Variants in KCND2 observed in about 807,000 individuals in gnomAD.
The protein encoded by KCND2 is potassium voltage-gated channel subfamily D member 2.
KCND2 carries 16 observed loss-of-function variants against 54.4 expected under a neutral mutation model. The ratio of observed to expected loss-of-function variants is 0.29; its 90% CI spans 0.20 to 0.45. The LOEUF (loss-of-function observed/expected upper bound fraction) is 0.45. Among genes scored for constraint, KCND2 ranks in the 20% least tolerant of loss-of-function variants. KCND2 has a pLI of 1.00. For synonymous variants in KCND2, 317 were observed against 310.7 expected, an observed-to-expected ratio of 1.02 and a Z score of -0.21; for missense variants, 486 against 824.2, an observed-to-expected ratio of 0.59 and a Z score of 5.02.
chr7:120,401,174 A>T (rs1196845486), intron 1 of KCND2, among the ~76,000 whole-genome samples: 1 of 152,148 alleles, frequency 6.6e-6, no homozygotes, highest in South Asian at 2.1e-4. Flanking sequence ...AGAGAAAAGC[A>T]GGGAGCAAAA....
At chr7:120,610,110 A>G (rs1253623090) in intron 1 of KCND2, among the ~76,000 whole-genome samples, 1 of 152,080 alleles carries the variant, frequency 6.6e-6, no homozygotes, top group African/African-American at 2.4e-5. Context: ...CAAAACCCCA[A>G]ATACTCAATG....
chr7:120,324,956 T>C lies in KCND2; in HGVS notation c.1115+49209T>C, dbSNP rs1437715971. Among the ~76,000 whole-genome samples the C allele has an allele frequency of 8.8e-5, 11 of 125,384 alleles. No individual in the cohort carries two copies. In the South Asian group the frequency reaches 3.8e-3, roughly 43 times the overall value. 82.3% of individuals were successfully genotyped at this position (125,384 alleles called of 152,430 possible). A position where few individuals can be genotyped will look rare whatever the true frequency, so the allele number is the denominator to read the frequency against. ...AGCATGGAATGTTCTTCCATTTGTT[T>C]GTATCCTCTTTTATTTCCTTGAGCA... On this transcript the variant is annotated intron_variant, in intron 1 of 5. Coordinates refer to ENST00000331113, the MANE Select transcript of KCND2 (RefSeq NM_012281.3).
intron 1 of KCND2, among the ~76,000 whole-genome samples, chr7:120,729,672 A>T (rs200188188): frequency 1.3e-5 from 2 of 152,228 alleles, no homozygotes; most frequent in East Asian, 3.8e-4. Flanking sequence ...GTGAGAGAAG[A>T]TGTTCCCACT....
At chr7:120,637,744 C>T (rs1793322793) in intron 1 of KCND2, among the ~76,000 whole-genome samples, 1 of 152,076 alleles carries the variant, frequency 6.6e-6, no homozygotes, top group Non-Finnish European at 1.5e-5. Flanking sequence ...ATGTTCTTCA[C>T]ATTTCTCAAG....
chr7:120,408,372 T>C (rs1322737502), intron 1 of KCND2, among the ~76,000 whole-genome samples: 1 of 151,848 alleles, frequency 6.6e-6, no homozygotes, highest in Non-Finnish European at 1.5e-5. Flanking sequence ...TTCAGACATA[T>C]ATCTCGAGCC....
At position 120,524,821 on chromosome 7, in the gene KCND2, G is replaced by A. The variant is rs1246169535; in HGVS notation, c.1116-208082G>A. On this transcript the variant is annotated intron_variant, in intron 1 of 5. Coordinates refer to ENST00000331113, the MANE Select transcript of KCND2 (RefSeq NM_012281.3). ...AAATTGTTTGGGTTAGCTAACTTAG[G>A]ATACCAAACATCTCAAAGGAAAATT... Among the ~76,000 whole-genome samples, 7 of 152,152 alleles carry A rather than the reference G, an allele frequency of 4.6e-5. No individual in the cohort carries two copies. The South Asian group carries it at 6.2e-4, about 13-fold the overall frequency.
At chr7:120,613,805 A>G (rs1792987890) in intron 1 of KCND2, among the ~76,000 whole-genome samples, 6 of 152,106 alleles carry the variant, frequency 3.9e-5, no homozygotes, top group Admixed American at 3.9e-4. Flanking sequence ...GGTAGCTCCC[A>G]CTTCCTCGCA....
At chr7:120,650,796 G>A (rs908996224) in intron 1 of KCND2, among the ~76,000 whole-genome samples, 1 of 143,746 alleles carries the variant, frequency 7.0e-6, no homozygotes, top group African/African-American at 2.7e-5. Context: ...GGGTTTTGGT[G>A]TGGATATCCT....
At chr7:120,737,094 C>A (rs374875657) in intron 2 of KCND2, among the ~76,000 whole-genome samples, 8,904 of 99,910 alleles carry the variant, frequency 0.089, 320 homozygotes, top group Non-Finnish European at 0.11. Context: ...AAAAAAAAAA[C>A]AAAACAAAAA....
At chr7:120,617,713 T>C (rs749689790) in intron 1 of KCND2, among the ~76,000 whole-genome samples, 5 of 152,206 alleles carry the variant, frequency 3.3e-5, no homozygotes, top group Non-Finnish European at 5.9e-5. Flanking sequence ...ATTGCAGTGT[T>C]ATTCACAACA....
intron 1 of KCND2, among the ~76,000 whole-genome samples, chr7:120,507,808 C>A (rs918027220): frequency 2.0e-5 from 3 of 151,652 alleles, no homozygotes; most frequent in Non-Finnish European, 4.4e-5. Flanking sequence ...ACACTAAAAC[C>A]TGATAATTAA....
chr7:120,321,013 T>G (rs1799887296), intron 1 of KCND2, among the ~76,000 whole-genome samples: 1 of 152,166 alleles, frequency 6.6e-6, no homozygotes, highest in Non-Finnish European at 1.5e-5. Context: ...AAGTGAGTGT[T>G]TGACAGTGCC....
chr7:120,582,003 C>T (rs1163631391), intron 1 of KCND2, among the ~76,000 whole-genome samples: 3 of 152,060 alleles, frequency 2.0e-5, no homozygotes, highest in African/African-American at 2.4e-5. Context: ...TGTGAGCCAC[C>T]GCACCGGGCC....
intron 1 of KCND2, among the ~76,000 whole-genome samples, chr7:120,366,020 A>G (rs1231489861): frequency 6.6e-6 from 1 of 152,128 alleles, no homozygotes; most frequent in African/African-American, 2.4e-5. Context: ...TTTATCAGCA[A>G]TTTTAGACAA....
At chr7:120,547,882 A>G (rs1448801765) in intron 1 of KCND2, among the ~76,000 whole-genome samples, 1 of 151,852 alleles carries the variant, frequency 6.6e-6, no homozygotes, top group African/African-American at 2.4e-5. Flanking sequence ...TGTCTTAGAG[A>G]TTTCTAGATA....
At chr7:120,310,929 C>G (rs1269908522) in intron 1 of KCND2, among the ~76,000 whole-genome samples, 1 of 135,644 alleles carries the variant, frequency 7.4e-6, no homozygotes, top group Non-Finnish European at 1.5e-5. Context: ...GAGGGAGACT[C>G]TGTCCAAAAA....
chr7:120,658,406 A>C (rs919813326), intron 1 of KCND2, among the ~76,000 whole-genome samples: 3 of 152,200 alleles, frequency 2.0e-5, no homozygotes, highest in Non-Finnish European at 4.4e-5. Flanking sequence ...GCAGTTGTTT[A>C]TGATATACGC....
chr7:120,392,971 G>A (rs1250269361), intron 1 of KCND2, among the ~76,000 whole-genome samples: 4 of 151,834 alleles, frequency 2.6e-5, no homozygotes, highest in South Asian at 2.1e-4. Flanking sequence ...AATAGCATGC[G>A]CTTATTATTA....
intron 1 of KCND2, among the ~76,000 whole-genome samples, chr7:120,444,451 T>C (rs370565902): frequency 6.6e-6 from 1 of 152,142 alleles, no homozygotes; most frequent in Non-Finnish European, 1.5e-5. Flanking sequence ...CCTCATCTTC[T>C]ATACCAGATC....
Sources: allele counts gnomAD v4.1 joint callset (sites outside exome capture counted in the v4.1 genomes callset), GRCh38; gene constraint gnomAD v4.1.1; transcripts MANE v1.5; gene names NCBI Gene and HGNC (gene_info 2026-07-23, HGNC 2026-07-21).